The following DIS3L2 variants were observed in gnomAD, a reference collection of about 807,000 sequenced individuals.
DIS3L2 encodes the protein DIS3-like exonuclease 2.
DIS3L2 carries 34 observed loss-of-function variants against 97.5 expected under a neutral mutation model. That is an observed-to-expected ratio of 0.35 (90% CI 0.27 to 0.46). DIS3L2 has a LOEUF of 0.46. DIS3L2 is among the 20% of genes least tolerant of loss of function. The pLI is 1.00. For synonymous variants in DIS3L2, 435 were observed against 445.2 expected, an observed-to-expected ratio of 0.98 and a Z score of 0.29; for missense variants, 1,038 against 1,146.0, an observed-to-expected ratio of 0.91 and a Z score of 1.36.
At chr2:232,040,077 A>G (rs1695066187) in intron 5 of DIS3L2, among the ~76,000 whole-genome samples, 1 of 152,248 alleles carries the variant, frequency 6.6e-6, no homozygotes, top group Non-Finnish European at 1.5e-5. Context: ...CAGAAATACC[A>G]CACTGTTATG....
chr2:232,341,052 G>A (rs1696091946), downstream of DIS3L2: 1 of 405,990 alleles, frequency 2.5e-6, no homozygotes, highest in African/African-American at 2.1e-5. Context: ...GGCCCTTGGA[G>A]GCACAATGAT....
intron 1 of DIS3L2, among the ~76,000 whole-genome samples, chr2:231,992,124 A>T (rs113187393): frequency 6.6e-6 from 1 of 152,190 alleles, no homozygotes; most frequent in Non-Finnish European, 1.5e-5. Context: ...GGAACCTGCT[A>T]TCAAAGATTT....
At chr2:232,091,515 A>G (rs750700869) in intron 6 of DIS3L2, among the ~76,000 whole-genome samples, 19 of 152,164 alleles carry the variant, frequency 1.2e-4, no homozygotes, top group Non-Finnish European at 2.4e-4. Context: ...ATAGCACTCC[A>G]TCGTGTATAT....
chr2:232,215,230 C>T (rs1044367069), intron 10 of DIS3L2, among the ~76,000 whole-genome samples: 41 of 152,166 alleles, frequency 2.7e-4, no homozygotes, highest in Admixed American at 2.0e-3. Context: ...TCACATCCCT[C>T]GTGTCCATCT....
At chr2:232,322,329 T>C (rs1318302070) in intron 14 of DIS3L2, among the ~76,000 whole-genome samples, 1 of 152,328 alleles carries the variant, frequency 6.6e-6, no homozygotes, top group African/African-American at 2.4e-5. Flanking sequence ...AACTCTGACT[T>C]CTGAGACTCA....
At chr2:232,237,095 T>C (rs1378750896) in intron 10 of DIS3L2, among the ~76,000 whole-genome samples, 1 of 152,220 alleles carries the variant, frequency 6.6e-6, no homozygotes, top group Non-Finnish European at 1.5e-5. Flanking sequence ...AATTGGTTCA[T>C]TTTCTGTATT....
intron 9 of DIS3L2, among the ~76,000 whole-genome samples, chr2:232,202,895 G>A (rs1691935669): frequency 6.6e-6 from 1 of 152,214 alleles, no homozygotes; most frequent in South Asian, 2.1e-4. Flanking sequence ...AAAAAGAAAA[G>A]GCGCAGCCCC....
chr2:232,196,677 C>T (rs1691765166), intron 9 of DIS3L2, among the ~76,000 whole-genome samples: 1 of 151,268 alleles, frequency 6.6e-6, no homozygotes, highest in Non-Finnish European at 1.5e-5. Flanking sequence ...TATCTTGCTC[C>T]TAAACATCTA....
intron 1 of DIS3L2, among the ~76,000 whole-genome samples, chr2:231,989,831 A>C (rs1213389435): frequency 6.6e-6 from 1 of 152,150 alleles, no homozygotes; most frequent in Non-Finnish European, 1.5e-5. Flanking sequence ...TGACATAATG[A>C]GATCTTGTCT....
chr2:232,035,680 T>A (rs1015751001), intron 5 of DIS3L2, among the ~76,000 whole-genome samples: 1 of 152,230 alleles, frequency 6.6e-6, no homozygotes, highest in Non-Finnish European at 1.5e-5. Flanking sequence ...TCAGGAGCTC[T>A]TGTAAGGCAA....
In DIS3L2 at chr2:232,263,297, G is replaced by A; in HGVS notation, c.1516G>A (p.Glu506Lys). The A allele has an allele frequency of 6.2e-7, 1 of 1,614,184 alleles. No individual in the cohort carries two copies. The highest frequency in any genetic ancestry group is 8.5e-7 in the Non-Finnish European group (1 of 1,180,034). Residue 506 changes from glutamate to lysine, a missense_variant, in exon 13 of 21, where the codon GAG becomes AAG. This residue lies in a region of DIS3L2 where 813 missense variants were observed against 880.1 expected (regional missense o/e 0.92). Transcript: ENST00000325385. ...HAQSMIESPTEKIPAKELPPI... is the reference protein window; with the variant it reads ...HAQSMIESPTKKIPAKELPPI... ...ACAGAGCATGATTGAAAGCCCAACTGAGAAAATCCCTGCGAAAGAGCTGCC... is the reference window on the plus strand; with the variant it reads ...ACAGAGCATGATTGAAAGCCCAACTAAGAAAATCCCTGCGAAAGAGCTGCC...
chr2:232,193,028 A>G (rs2106198165), intron 9 of DIS3L2, among the ~76,000 whole-genome samples: 1 of 152,276 alleles, frequency 6.6e-6, no homozygotes, highest in South Asian at 2.1e-4. Flanking sequence ...GATGGCTGCT[A>G]TCTACAGCTA....
chr2:232,112,435 G>A (rs753408946), intron 6 of DIS3L2, among the ~76,000 whole-genome samples: 1 of 152,118 alleles, frequency 6.6e-6, no homozygotes, highest in Non-Finnish European at 1.5e-5. Flanking sequence ...ACTAGTCTTC[G>A]GGTGCACTTA....
chr2:232,146,929 TA>T (rs1330189408), intron 8 of DIS3L2, among the ~76,000 whole-genome samples: 3 of 152,172 alleles, frequency 2.0e-5, no homozygotes, highest in Non-Finnish European at 4.4e-5. Context: ...CTCAAATAAT[TA>T]ACACCATTTG....
At chr2:232,091,666 T>C (rs934919484) in intron 6 of DIS3L2, among the ~76,000 whole-genome samples, 7 of 152,194 alleles carry the variant, frequency 4.6e-5, no homozygotes, top group African/African-American at 1.7e-4. Flanking sequence ...TTTGGATATG[T>C]ACATAGGAGT....
chr2:232,227,869 A>G (rs1302786985), intron 10 of DIS3L2, among the ~76,000 whole-genome samples: 2 of 152,196 alleles, frequency 1.3e-5, no homozygotes, highest in Non-Finnish European at 2.9e-5. Flanking sequence ...TTTAATACAC[A>G]TAGTTGTTTT....
intron 5 of DIS3L2, among the ~76,000 whole-genome samples, chr2:232,070,730 G>A (rs1361284076): frequency 6.6e-6 from 1 of 151,912 alleles, no homozygotes; most frequent in African/African-American, 2.4e-5. Flanking sequence ...GACTACAGGC[G>A]CGTACCACCA....
chr2:232,297,396 A>G (rs1395207707), intron 13 of DIS3L2, among the ~76,000 whole-genome samples: 1 of 152,202 alleles, frequency 6.6e-6, no homozygotes, highest in Non-Finnish European at 1.5e-5. Context: ...AGCAAGAAGG[A>G]TGCTTAGATA....
At chr2:232,014,744 T>G in intron 1 of DIS3L2, 91 bp from the exon 2 acceptor site, 1 of 533,650 alleles carries the variant, frequency 1.9e-6, no homozygotes, top group Non-Finnish European at 3.2e-6. Flanking sequence ...GGCACCATGT[T>G]GCCTTTGCCA....
Sources: gnomAD v4.1 joint callset for allele counts (sites outside exome capture counted in the v4.1 genomes callset) on GRCh38, gnomAD v4.1.1 for gene constraint, gnomAD v4.1.1 regional missense constraint, MANE v1.5 for transcripts, NCBI Gene and HGNC (gene_info 2026-07-23, HGNC 2026-07-21) for gene names.